Variants in MMP16 observed in about 807,000 individuals in gnomAD.
MMP16 encodes the protein matrix metalloproteinase-16.
MMP16 carries 12 observed loss-of-function variants against 67.8 expected under a neutral mutation model. The ratio of observed to expected loss-of-function variants is 0.18; its 90% confidence interval spans 0.11 to 0.29. The LOEUF is 0.29. MMP16 is among the 10% of genes least tolerant of loss of function. MMP16 has a pLI of 1.00. For missense variants in MMP16, 475 were observed against 765.7 expected (o/e 0.62, Z 4.48); for synonymous variants, 249 against 255.9 (o/e 0.97, Z 0.26).
chr8:88,202,098 C>A (rs927861234), intron 1 of MMP16, among the ~76,000 whole-genome samples: 1 of 152,084 alleles, frequency 6.6e-6, no homozygotes. Context: ...CCATCCCATC[C>A]CCAGCATGAA....
chr8:88,276,494 C>T (rs1257098712), intron 1 of MMP16, among the ~76,000 whole-genome samples: 1 of 152,046 alleles, frequency 6.6e-6, no homozygotes, highest in East Asian at 1.9e-4. Flanking sequence ...AATGTTCAGC[C>T]CAGTCTCTTG....
intron 1 of MMP16, among the ~76,000 whole-genome samples, chr8:88,198,597 T>C (rs537909688): frequency 5.9e-5 from 9 of 152,118 alleles, no homozygotes; most frequent in Admixed American, 5.9e-4. Flanking sequence ...AAGAAACTGG[T>C]ATTAAATGTA....
chr8:88,291,329 C>G (rs1036350747), intron 1 of MMP16, among the ~76,000 whole-genome samples: 7 of 152,176 alleles, frequency 4.6e-5, no homozygotes, highest in Middle Eastern at 3.4e-3. Context: ...TTAAGAGAAA[C>G]AGAGGTTTAA....
chr8:88,296,396 C>T (rs916626327), intron 1 of MMP16, among the ~76,000 whole-genome samples: 4 of 152,098 alleles, frequency 2.6e-5, no homozygotes, highest in African/African-American at 9.7e-5. Flanking sequence ...ACACATCCAT[C>T]GCCTCATCAA....
At chr8:88,238,615 G>A (rs1241108080) in intron 1 of MMP16, among the ~76,000 whole-genome samples, 4 of 144,082 alleles carry the variant, frequency 2.8e-5, no homozygotes, top group African/African-American at 7.8e-5. Context: ...GCAGTGAGCC[G>A]AGACTGTGCC....
intron 1 of MMP16, among the ~76,000 whole-genome samples, chr8:88,219,489 T>C (rs558295446): frequency 6.6e-6 from 1 of 152,214 alleles, no homozygotes; most frequent in East Asian, 1.9e-4. Flanking sequence ...GTTGTTGTTC[T>C]TGCATGAGAC....
intron 1 of MMP16, among the ~76,000 whole-genome samples, chr8:88,260,978 A>G (rs1810380102): frequency 6.6e-6 from 1 of 152,162 alleles, no homozygotes; most frequent in South Asian, 2.1e-4. Flanking sequence ...TCAGATAACA[A>G]ATGCACTTTA....
chr8:88,048,661 T>C (rs1808228951), intron 8 of MMP16, among the ~76,000 whole-genome samples: 1 of 152,182 alleles, frequency 6.6e-6, no homozygotes, highest in Non-Finnish European at 1.5e-5. Context: ...TATTTCACCA[T>C]AAAGGCAGTT....
intron 4 of MMP16, among the ~76,000 whole-genome samples, chr8:88,148,186 A>T (rs923217196): frequency 6.6e-6 from 1 of 152,032 alleles, no homozygotes; most frequent in South Asian, 2.1e-4. Context: ...GTTCCTTTTC[A>T]TAGTCACTTG....
rs1198732736 is a variant in MMP16, at chr8:88,034,026, G to A, written c.*7435C>T. 1 of 151,912 alleles carries A rather than the reference G, an allele frequency of 6.6e-6. No individual in the cohort carries two copies. Among genetic ancestry groups the A allele is most frequent in the Non-Finnish European group, 1.5e-5 (1 of 67,922 alleles). The allele number at this position is 151,912 out of a possible 1,614,324, so 9.4% of individuals were successfully genotyped here. A position where few individuals can be genotyped will look rare whatever the true frequency, so the allele number is the denominator to read the frequency against. On this transcript the variant is annotated 3_prime_UTR_variant, in exon 10 of 10. Coordinates refer to ENST00000286614, the MANE Select transcript of MMP16 (RefSeq NM_005941.5). ...CAACAGGCAATACCCATCATACTCA[G>A]CATTTCACTTTTCTCAGGGGAATAG... is the stretch of plus-strand genomic sequence containing the variant.
intron 1 of MMP16, among the ~76,000 whole-genome samples, chr8:88,230,383 G>T (rs13254181): frequency 0.17 from 25,478 of 151,986 alleles, 3,090 homozygotes; most frequent in East Asian, 0.52. Context: ...TCTGAAGCAG[G>T]CTACATAAAA....
In MMP16 at chr8:88,085,912, C is replaced by A. The variant is rs984674216; in HGVS notation, c.1084-11169G>T. ...GTTTAGTGATGTAGCAGATATGGAC[C>A]CCCTTTTTATTAATTAGTATTCATT... On this transcript the variant is annotated intron_variant, in intron 6 of 9. Transcript: ENST00000286614. 8.0e-5 allele frequency among the ~76,000 whole-genome samples: 12 copies of A among 149,642 alleles called. 1 individual carries two copies. Among genetic ancestry groups the A allele is most frequent in the Admixed American group, 6.6e-4 (10 of 15,124 alleles).
intron 6 of MMP16, among the ~76,000 whole-genome samples, chr8:88,097,950 C>T (rs1406833074): frequency 6.6e-6 from 1 of 151,830 alleles, no homozygotes; most frequent in African/African-American, 2.4e-5. Context: ...CCAGGTCCTG[C>T]CCAAGACTTT....
chr8:88,147,661 T>TTTTTTTTTTTTTTA (rs1563545446), intron 4 of MMP16, among the ~76,000 whole-genome samples: 1 of 152,106 alleles, frequency 6.6e-6, no homozygotes, highest in African/African-American at 2.4e-5. Context: ...ACTGTCTTCT[T>TTTTTTTTTTTTTTA]GACTCTCCAG....
chr8:88,117,397 G>C (rs566858619), intron 5 of MMP16, among the ~76,000 whole-genome samples: 1 of 152,208 alleles, frequency 6.6e-6, no homozygotes, highest in African/African-American at 2.4e-5. Flanking sequence ...ATTTGGTACA[G>C]ATGTAAAGCA....
At chr8:88,104,793 T>A (rs996821378) in intron 6 of MMP16, among the ~76,000 whole-genome samples, 11 of 151,420 alleles carry the variant, frequency 7.3e-5, no homozygotes, top group Non-Finnish European at 1.2e-4. Flanking sequence ...GTGATGAGGA[T>A]AATCCTGACA....
At chr8:88,184,133 A>G (rs1311107501) in intron 3 of MMP16, among the ~76,000 whole-genome samples, 1 of 152,140 alleles carries the variant, frequency 6.6e-6, no homozygotes. Flanking sequence ...TTAAGGTAAT[A>G]GTATGCAGTT....
chr8:88,113,889 A>G (rs1809383980), intron 6 of MMP16, among the ~76,000 whole-genome samples: 1 of 151,956 alleles, frequency 6.6e-6, no homozygotes. Flanking sequence ...TGCAATAAAT[A>G]TTTCTTGAAT....
At chr8:88,270,161 C>A (rs957012321) in intron 1 of MMP16, among the ~76,000 whole-genome samples, 2 of 152,134 alleles carry the variant, frequency 1.3e-5, no homozygotes, top group East Asian at 3.9e-4. Flanking sequence ...CATAGAGGAT[C>A]TCAACAAAGT....
Sources: allele counts gnomAD v4.1 joint callset (sites outside exome capture counted in the v4.1 genomes callset), GRCh38; gene constraint gnomAD v4.1.1; transcripts MANE v1.5; gene names NCBI Gene and HGNC (gene_info 2026-07-23, HGNC 2026-07-21).